MAGI2: variants seen among roughly 807,000 people sequenced by gnomAD.
The protein encoded by MAGI2 is membrane-associated guanylate kinase, WW and PDZ domain-containing protein 2.
In MAGI2, 35 loss-of-function variants were observed where a neutral mutation model predicts 133.3. The ratio of observed to expected loss-of-function variants is 0.26; its 90% CI spans 0.20 to 0.35. The LOEUF is 0.35. Among genes scored for constraint, MAGI2 ranks in the 10% least tolerant of loss-of-function variants. The probability of loss-of-function intolerance (pLI) is 1.00; values close to 1 mark genes in which losing one functional copy is unlikely to be tolerated. For synonymous variants in MAGI2, 729 were observed against 710.6 expected (o/e 1.03, Z -0.41); for missense variants, 1,636 against 1,863.4 (o/e 0.88, Z 2.25).
intron 9 of MAGI2, among the ~76,000 whole-genome samples, chr7:78,301,045 G>C (rs761475258): frequency 6.6e-6 from 1 of 152,122 alleles, no homozygotes; most frequent in East Asian, 1.9e-4. Flanking sequence ...ACAAAGTGAG[G>C]TGTAAGAAGA....
intron 6 of MAGI2, among the ~76,000 whole-genome samples, chr7:78,447,562 G>A (rs1177189350): frequency 1.3e-5 from 2 of 152,054 alleles, no homozygotes; most frequent in Non-Finnish European, 2.9e-5. Context: ...CAGCGGGGGA[G>A]GTATGGCTGG....
intron 10 of MAGI2, among the ~76,000 whole-genome samples, chr7:78,206,675 C>G (rs1787137739): frequency 6.6e-6 from 1 of 152,210 alleles, no homozygotes; most frequent in Non-Finnish European, 1.5e-5. Context: ...AGTCGATACA[C>G]TGAACTCCCA....
chr7:78,086,961 C>T (rs1422018542), intron 20 of MAGI2, among the ~76,000 whole-genome samples: 1 of 152,120 alleles, frequency 6.6e-6, no homozygotes, highest in African/African-American at 2.4e-5. Context: ...AGGTATTTGG[C>T]ATGTTTCCTT....
chr7:78,932,100 A>G (rs1563678547), intron 2 of MAGI2, among the ~76,000 whole-genome samples: 1 of 151,622 alleles, frequency 6.6e-6, no homozygotes, highest in East Asian at 1.9e-4. Context: ...TTTTTCATGT[A>G]TGCCCAAATT....
chr7:79,447,270 ATATTAC>A (rs1455226052), intron 1 of MAGI2, among the ~76,000 whole-genome samples: 2 of 152,152 alleles, frequency 1.3e-5, no homozygotes, highest in Admixed American at 1.3e-4. Context: ...AGCAATTATT[ATATTAC>A]TAAGTTTTCT....
chr7:78,253,013 A>G (rs912949372), intron 10 of MAGI2: 5 of 151,982 alleles, frequency 3.3e-5, no homozygotes, highest in African/African-American at 1.2e-4. Context: ...AAAACATTCT[A>G]CTTCTTAACA....
chr7:79,375,086 C>T (rs1843295534), intron 1 of MAGI2, among the ~76,000 whole-genome samples: 2 of 151,964 alleles, frequency 1.3e-5, no homozygotes, highest in African/African-American at 2.4e-5. Context: ...TCATAATGTT[C>T]TCACTTCTTA....
At chr7:78,765,343 CTTTTTTTT>C (rs10672746) in intron 2 of MAGI2, among the ~76,000 whole-genome samples, 9 of 89,056 alleles carry the variant, frequency 1.0e-4, no homozygotes, top group Admixed American at 1.6e-4. Flanking sequence ...TAGTGCACAT[CTTTTTTTT>C]TTTTTTTTTT....
intron 1 of MAGI2, among the ~76,000 whole-genome samples, chr7:79,326,069 A>G (rs1023238480): frequency 1.9e-4 from 29 of 152,190 alleles, no homozygotes; most frequent in African/African-American, 7.0e-4. Flanking sequence ...TCACACACAC[A>G]TACACACACT....
In MAGI2 at chr7:78,148,908, T is replaced by C. The variant is rs566906218; in HGVS notation, c.2845+11117A>G. 3.6e-3 allele frequency among the ~76,000 whole-genome samples: 554 copies of C among 152,232 alleles called. 2 individuals are homozygous for C. Among genetic ancestry groups the C allele is most frequent in the Non-Finnish European group, 5.8e-3 (396 of 68,012 alleles). On this transcript the variant is annotated intron_variant, in intron 16 of 21. Transcript: ENST00000354212. ...CAATTGAGGAGCCACTAATGGATTA[T>C]GGCAGCTAAGTGAGATCATCAGACT...
At chr7:78,070,857 G>C (rs1203058132) in intron 21 of MAGI2, among the ~76,000 whole-genome samples, 2 of 151,936 alleles carry the variant, frequency 1.3e-5, no homozygotes, top group Non-Finnish European at 2.9e-5. Context: ...ATTTTTAGTA[G>C]AGATGGGGTT....
At chr7:78,355,831 A>C (rs757404607) in intron 7 of MAGI2, among the ~76,000 whole-genome samples, 3 of 152,264 alleles carry the variant, frequency 2.0e-5, no homozygotes, top group Non-Finnish European at 4.4e-5. Flanking sequence ...CTTTCTGAAG[A>C]CAAAAATGTG....
At chr7:79,213,759 C>T (rs1047851137) in intron 1 of MAGI2, among the ~76,000 whole-genome samples, 5 of 152,052 alleles carry the variant, frequency 3.3e-5, no homozygotes, top group African/African-American at 1.2e-4. Flanking sequence ...CACACAACAG[C>T]GGCTACCCAG....
chr7:78,587,543 G>A (rs1205150226), intron 3 of MAGI2, among the ~76,000 whole-genome samples: 1 of 152,164 alleles, frequency 6.6e-6, no homozygotes, highest in Non-Finnish European at 1.5e-5. Flanking sequence ...GGTATCTGAA[G>A]TGGATATATT....
At chr7:79,235,395 C>T (rs576464207) in intron 1 of MAGI2, among the ~76,000 whole-genome samples, 1 of 151,620 alleles carries the variant, frequency 6.6e-6, no homozygotes, top group Non-Finnish European at 1.5e-5. Context: ...CCCCCAGCCT[C>T]GCTGCCGCCT....
intron 5 of MAGI2, among the ~76,000 whole-genome samples, chr7:78,495,934 T>C (rs1794050871): frequency 2.0e-5 from 3 of 152,192 alleles, no homozygotes; most frequent in Admixed American, 1.3e-4. Flanking sequence ...TGTAATATGA[T>C]TGACAGTAAG....
At chr7:78,674,349 A>G (rs368834920) in intron 2 of MAGI2, among the ~76,000 whole-genome samples, 2 of 152,104 alleles carry the variant, frequency 1.3e-5, no homozygotes, top group African/African-American at 4.8e-5. Context: ...AGGTGGAAGG[A>G]ATTTCAAATA....
At chr7:78,243,152 C>A (rs182401713) in intron 10 of MAGI2, among the ~76,000 whole-genome samples, 1 of 151,340 alleles carries the variant, frequency 6.6e-6, no homozygotes, top group East Asian at 2.0e-4. Flanking sequence ...CAAGTAGCAA[C>A]ATGAAACAAC....
At chr7:78,682,231 TC>T (rs1171443647) in intron 2 of MAGI2, among the ~76,000 whole-genome samples, 2 of 152,104 alleles carry the variant, frequency 1.3e-5, no homozygotes, top group Non-Finnish European at 2.9e-5. Flanking sequence ...TGCTTAAACT[TC>T]CCCTTGTAAA....
Sources: allele counts gnomAD v4.1 joint callset (sites outside exome capture counted in the v4.1 genomes callset), GRCh38; gene constraint gnomAD v4.1.1; transcripts MANE v1.5; gene names NCBI Gene and HGNC (gene_info 2026-07-23, HGNC 2026-07-21).